Variants in CD99L2 observed in about 807,000 individuals in gnomAD.
The protein encoded by CD99L2 is CD99 molecule like 2, also known as CD99 antigen-like protein 2.
Under a neutral mutation model 27.3 loss-of-function variants are expected in CD99L2, and 24 were observed. The ratio of observed to expected loss-of-function variants is 0.88; its 90% CI spans 0.64 to 1.24. The LOEUF is 1.24. Among genes scored for constraint, CD99L2 ranks in the 50% most tolerant of loss-of-function variants. The probability of loss-of-function intolerance (pLI) is 0.00; values close to 1 mark genes in which losing one functional copy is unlikely to be tolerated. For missense variants in CD99L2, 255 were observed against 221.6 expected (o/e 1.15, Z -0.96); for synonymous variants, 97 against 87.9 (o/e 1.10, Z -0.58).
At chrX:150,879,750 T>TTAAAAAAAAAAAA in intron 1 of CD99L2, among the ~76,000 whole-genome samples, 1 of 19,385 alleles carries the variant, frequency 5.2e-5, no homozygotes, top group South Asian at 3.4e-3. Flanking sequence ...CTACAAAAAC[T>TTAAAAAAAAAAAA]AAAAAAAAAA....
At chrX:150,819,311 C>T in intron 2 of CD99L2, 2 of 253,824 alleles carry the variant, frequency 7.9e-6, no homozygotes, top group South Asian at 8.8e-5. Context: ...GAGCACCCCT[C>T]AATTCCATTT....
chrX:150,785,025 T>C (rs2045573155), intron 7 of CD99L2, among the ~76,000 whole-genome samples: 1 of 110,712 alleles, frequency 9.0e-6, no homozygotes. Flanking sequence ...AGCACTTGCT[T>C]GAGGATGACT....
intron 4 of CD99L2, among the ~76,000 whole-genome samples, chrX:150,805,261 GA>G (rs202039803): frequency 9.2e-6 from 1 of 109,216 alleles, no homozygotes; most frequent in African/African-American, 3.3e-5. Context: ...AAGAAAATTA[GA>G]AAAAAAACCA....
In CD99L2 at chrX:150,768,897, C is replaced by G. The variant is rs1848313152; in HGVS notation, c.*137G>C. On this transcript the variant is annotated 3_prime_UTR_variant, in exon 11 of 11. Coordinates refer to ENST00000370377, the MANE Select transcript of CD99L2 (RefSeq NM_031462.4). ...AAACCAAACTCACAAACACCCAGAG[C>G]TCATCCGGGAAACTCAGACCAACAA... The G allele has an allele frequency of 1.9e-6, 2 of 1,058,186 alleles. No individual in the cohort carries two copies. The highest frequency in any genetic ancestry group is 5.8e-5 in the South Asian group (2 of 34,215). 87.2% of individuals were successfully genotyped at this position (1,058,186 alleles called of 1,213,427 possible). A position where few individuals can be genotyped will look rare whatever the true frequency, so the allele number is the denominator to read the frequency against.
intron 7 of CD99L2, among the ~76,000 whole-genome samples, chrX:150,782,668 C>G (rs1245519539): frequency 8.9e-6 from 1 of 111,761 alleles, no homozygotes; most frequent in Admixed American, 9.5e-5. Flanking sequence ...CTGAAACATC[C>G]TATTTCTTTA....
intron 1 of CD99L2, among the ~76,000 whole-genome samples, chrX:150,853,144 C>T (rs782328511): frequency 1.8e-5 from 2 of 111,989 alleles, no homozygotes; most frequent in South Asian, 7.5e-4. Flanking sequence ...GTCACCCAGA[C>T]TTGCACCTTC....
chrX:150,877,627 G>C (rs1290450898), intron 1 of CD99L2, among the ~76,000 whole-genome samples: 1 of 110,582 alleles, frequency 9.0e-6, no homozygotes, highest in Admixed American at 9.7e-5. Context: ...TTTAAGACCA[G>C]CTTGGGCATA....
At chrX:150,793,601 C>T in intron 7 of CD99L2, 90 bp downstream of exon 7, 1 of 773,246 alleles carries the variant, frequency 1.3e-6, no homozygotes, top group Non-Finnish European at 1.8e-6. Context: ...AACTACCACT[C>T]ATTTCCCAGA....
chrX:150,836,221 G>A (rs782615369), intron 1 of CD99L2, among the ~76,000 whole-genome samples: 1 of 111,742 alleles, frequency 8.9e-6, no homozygotes, highest in African/African-American at 3.2e-5. Context: ...GATAGGGGAT[G>A]GTGGGAGCCA....
chrX:150,831,513 C>T (rs2046444190), intron 1 of CD99L2, among the ~76,000 whole-genome samples: 1 of 111,173 alleles, frequency 9.0e-6, no homozygotes, highest in African/African-American at 3.3e-5. Context: ...AATCAAGTAC[C>T]ACATATTCTC....
chrX:150,814,143 A>G (rs2046115269), intron 4 of CD99L2, among the ~76,000 whole-genome samples: 2 of 112,280 alleles, frequency 1.8e-5, no homozygotes. Flanking sequence ...CCAACATGCA[A>G]TGTTACAAAA....
intron 1 of CD99L2, among the ~76,000 whole-genome samples, chrX:150,871,665 C>T (rs1429112320): frequency 8.9e-6 from 1 of 111,923 alleles, no homozygotes; most frequent in Admixed American, 9.5e-5. Context: ...AAACATATCC[C>T]CAAAAAGCCT....
intron 1 of CD99L2, among the ~76,000 whole-genome samples, chrX:150,898,040 C>A (rs1557423123): frequency 1.2e-5 from 1 of 82,870 alleles, no homozygotes; most frequent in African/African-American, 5.0e-5. Context: ...GCTGGTTAGA[C>A]CTACGCCTCG....
chrX:150,894,880 C>T (rs72612734), intron 1 of CD99L2, among the ~76,000 whole-genome samples: 3 of 111,299 alleles, frequency 2.7e-5, no homozygotes, highest in Non-Finnish European at 5.7e-5. Flanking sequence ...TGAGCCACTG[C>T]GCCCGGCCCC....
intron 1 of CD99L2, among the ~76,000 whole-genome samples, chrX:150,873,305 A>C (rs782246992): frequency 7.1e-5 from 8 of 112,374 alleles, no homozygotes; most frequent in African/African-American, 2.6e-4. Context: ...GAAACGAGTC[A>C]GTTGCAAAAA....
intron 1 of CD99L2, among the ~76,000 whole-genome samples, chrX:150,834,606 G>A (rs1231812561): frequency 2.7e-5 from 3 of 112,437 alleles, no homozygotes; most frequent in African/African-American, 9.7e-5. Context: ...ATGGAGAAAA[G>A]GGAACACTTG....
At chrX:150,808,353 C>A (rs1296405159) in intron 4 of CD99L2, among the ~76,000 whole-genome samples, 1 of 112,338 alleles carries the variant, frequency 8.9e-6, no homozygotes, top group Admixed American at 9.4e-5. Flanking sequence ...ATGGGGTTGG[C>A]ACTTGCACTG....
At chrX:150,803,862 G>A (rs2045955937) in intron 4 of CD99L2, among the ~76,000 whole-genome samples, 1 of 112,008 alleles carries the variant, frequency 8.9e-6, no homozygotes, top group South Asian at 3.7e-4. Flanking sequence ...TTGGTAAAGA[G>A]TTCACACAAT....
chrX:150,778,494 G>C (rs1189375971), intron 7 of CD99L2, among the ~76,000 whole-genome samples: 1 of 99,636 alleles, frequency 1.0e-5, no homozygotes, highest in African/African-American at 3.7e-5. Context: ...GGGAGGCTGT[G>C]CACATGTGGG....
Sources: gnomAD v4.1 joint callset for allele counts (sites outside exome capture counted in the v4.1 genomes callset) on GRCh38, gnomAD v4.1.1 for gene constraint, MANE v1.5 for transcripts, NCBI Gene and HGNC (gene_info 2026-07-23, HGNC 2026-07-21) for gene names.